Variants in KCNQ1 observed in about 807,000 individuals in gnomAD.
KCNQ1 encodes potassium voltage-gated channel subfamily Q member 1.
Under a neutral mutation model 72.4 loss-of-function variants are expected in KCNQ1, and 49 were observed. The observed-to-expected ratio is 0.68, with a 90% CI of 0.54 to 0.86. The LOEUF is 0.86. Ranked by LOEUF, KCNQ1 falls within the 40% of genes least tolerant of loss-of-function variation. The pLI, the probability that KCNQ1 is intolerant of heterozygous loss-of-function variation, is 0.00. For synonymous variants in KCNQ1, 450 were observed against 412.6 expected (o/e 1.09, Z -1.10); for missense variants, 790 against 945.1 (o/e 0.84, Z 2.15).
rs1019186355 is a variant in KCNQ1 at position 2,715,810 on chromosome 11, C to G, written c.1515-53034C>G. On this transcript the variant is annotated intron_variant, in intron 11 of 15. Transcript: ENST00000155840. The surrounding 1 kb of genome is among the most constrained non-coding windows in gnomAD (Gnocchi z 4.9). ...GCTGGAGCAGCCCCGCATCCCACAT[C>G]CCCGCAGCCTTGCGCTGGTCTAAAT... Among the ~76,000 whole-genome samples the G allele has an allele frequency of 6.6e-6, 1 of 152,250 alleles. No individual in the cohort carries two copies. Among genetic ancestry groups the G allele is most frequent in the African/African-American group, 2.4e-5 (1 of 41,472 alleles).
At position 2,830,660 on chromosome 11, in the gene KCNQ1, T is replaced by C. The variant is rs1482221868; in HGVS notation, c.1795-17107T>C. 2.0e-5 allele frequency among the ~76,000 whole-genome samples: 3 copies of C among 151,964 alleles called. No individual in the cohort carries two copies. Among genetic ancestry groups the C allele is most frequent in the African/African-American group, 7.2e-5 (3 of 41,380 alleles). On this transcript the variant is annotated intron_variant, in intron 15 of 15. Transcript: ENST00000155840. The surrounding 1 kb of genome is among the most constrained non-coding windows in gnomAD (Gnocchi z 7.7). The stretch of plus-strand genomic sequence containing the variant: ...GGACCTCCTTCCTGGGTGGAGACCT[T>C]CCCACCCTTCCACTCACCTTCCGAG...
chr11:2,592,641 C>A lies in KCNQ1; in HGVS notation c.1393+3787C>A, dbSNP rs920887917. Among the ~76,000 whole-genome samples, 2 of 152,234 alleles carry A rather than the reference C, an allele frequency of 1.3e-5. No individual in the cohort carries two copies. The highest frequency in any genetic ancestry group is 4.8e-5 in the African/African-American group (2 of 41,474). On this transcript the variant is annotated intron_variant, in intron 10 of 15. Coordinates refer to ENST00000155840, the MANE Select transcript of KCNQ1 (RefSeq NM_000218.3). This position sits in a 1 kb window ranked among gnomAD's most constrained non-coding sequence, Gnocchi z 5.2. ...TGAAGGATGCATGGGGACCCAACCG[C>A]ATGCCACTTGGCTTGGCAGTGTCAA...
intron 11 of KCNQ1, chr11:2,696,801 T>C (rs942907973): frequency 1.3e-5 from 5 of 398,524 alleles, no homozygotes; most frequent in Non-Finnish European, 2.2e-5. Context: ...GGTATAAATT[T>C]TGCTGCTATT....
Position 2,623,529 on chromosome 11 carries a change from T to G in KCNQ1, c.1393+34675T>G, listed in dbSNP as rs1208854788. On this transcript the variant is annotated intron_variant, in intron 10 of 15. Transcript: ENST00000155840. This position sits in a 1 kb window ranked among gnomAD's most constrained non-coding sequence, Gnocchi z 5.2. ...TGATTGGAATCATACAGTATGTAGT[T>G]TCTTCAGATTGCCTTATTTCACATA... 1 of 397,922 alleles carries G rather than the reference T, an allele frequency of 2.5e-6. No individual in the cohort carries two copies. The highest frequency in any genetic ancestry group is 4.4e-6 in the Non-Finnish European group (1 of 226,056). 24.6% of individuals were successfully genotyped at this position (397,922 alleles called of 1,614,324 possible).
At position 2,605,210 on chromosome 11, in the gene KCNQ1, T is replaced by C. The variant is rs181393433; in HGVS notation, c.1393+16356T>C. Among the ~76,000 whole-genome samples the C allele has an allele frequency of 8.5e-4, 129 of 152,342 alleles. 1 individual carries two copies. The highest frequency in any genetic ancestry group is 2.6e-3 in the African/African-American group (108 of 41,588). ...AACAAGTCCCCTATCAGATAGATTA[T>C]TTGCAAATATTTTCTCCCATCTGTA... is the stretch of plus-strand genomic sequence containing the variant. On this transcript the variant is annotated intron_variant, in intron 10 of 15. Coordinates refer to ENST00000155840, the MANE Select transcript of KCNQ1 (RefSeq NM_000218.3).
rs1473669945 is a variant in KCNQ1, at chr11:2,783,562, T to C, written c.1794+5525T>C. On this transcript the variant is annotated intron_variant, in intron 15 of 15. Transcript: ENST00000155840. This position sits in a 1 kb window ranked among gnomAD's most constrained non-coding sequence, Gnocchi z 5.2. The stretch of plus-strand genomic sequence containing the variant: ...AGAAGGCATAGGGCAAATTTCTGTT[T>C]AACTTTCTAAGAAACTTCTAAACTG... Among the ~76,000 whole-genome samples the C allele has an allele frequency of 2.0e-5, 3 of 152,120 alleles. No homozygotes were observed. The highest frequency in any genetic ancestry group is 1.3e-4 in the Admixed American group (2 of 15,284).
intron 2 of KCNQ1, among the ~76,000 whole-genome samples, chr11:2,539,242 C>A (rs1422672848): frequency 6.6e-6 from 1 of 152,216 alleles, no homozygotes; most frequent in Admixed American, 6.5e-5. Context: ...CTGGCTCGTG[C>A]CTGGTGGCAA....
chr11:2,690,497 G>A lies in KCNQ1; in HGVS notation c.1514+28416G>A. The A allele has an allele frequency of 5.0e-6, 2 of 398,656 alleles. No homozygotes were observed. Among genetic ancestry groups the A allele is most frequent in the Non-Finnish European group, 4.4e-6 (1 of 226,092 alleles). The allele number at this position is 398,656 out of a possible 1,614,324, so 24.7% of individuals were successfully genotyped here. ...GGAACAGCCACTGGGCCCAGTCGGG[G>A]GGGTCTCAGCACCTATCACAAAGAA... is the stretch of plus-strand genomic sequence containing the variant. On this transcript the variant is annotated intron_variant, in intron 11 of 15. Transcript: ENST00000155840. The surrounding 1 kb of genome is among the most constrained non-coding windows in gnomAD (Gnocchi z 5.1).
rs2133760153 is a variant in KCNQ1 at position 2,588,618 on chromosome 11, T to C, written c.1252-95T>C. The C allele has an allele frequency of 6.7e-7, 1 of 1,503,228 alleles. No homozygotes were observed. The highest frequency in any genetic ancestry group is 2.3e-5 in the East Asian group (1 of 44,164). The allele number at this position is 1,503,228 out of a possible 1,614,324, so 93.1% of individuals were successfully genotyped here. A position where few individuals can be genotyped will look rare whatever the true frequency, so the allele number is the denominator to read the frequency against. ...CTGTCCGGGTGTATGTGGCGGGGGC[T>C]GGGCTCGGGGCGGCTGCACAGGCAC... On this transcript the variant is annotated intron_variant, in intron 9 of 15. Transcript: ENST00000155840. This position sits in a 1 kb window ranked among gnomAD's most constrained non-coding sequence, Gnocchi z 5.6.
chr11:2,590,156 GTATTTGAGATAGCTGT>G (rs1848652230), intron 10 of KCNQ1, among the ~76,000 whole-genome samples: 1 of 152,190 alleles, frequency 6.6e-6, no homozygotes, highest in Non-Finnish European at 1.5e-5. Flanking sequence ...CCAGCGTGGG[GTATTTGAGATAGCTGT>G]GCTGCCACCA....
chr11:2,676,859 T>G lies in KCNQ1; in HGVS notation c.1514+14778T>G. ...TGTAATGACACCTGTCAGCTTTGAC[T>G]GGGGAGCCCTTTCATTTCTTAGTAA... On this transcript the variant is annotated intron_variant, in intron 11 of 15. Coordinates refer to ENST00000155840, the MANE Select transcript of KCNQ1 (RefSeq NM_000218.3). The surrounding 1 kb of genome is among the most constrained non-coding windows in gnomAD (Gnocchi z 4.2). 2.5e-6 allele frequency: 1 copy of G among 398,652 alleles called. No individual in the cohort carries two copies. The highest frequency in any genetic ancestry group is 4.4e-6 in the Non-Finnish European group (1 of 226,068). 24.7% of individuals were successfully genotyped at this position (398,652 alleles called of 1,614,324 possible).
chr11:2,589,183 C>T (rs1160464999), intron 10 of KCNQ1, among the ~76,000 whole-genome samples: 1 of 152,194 alleles, frequency 6.6e-6, no homozygotes, highest in East Asian at 1.9e-4. Context: ...AGCCCACGGG[C>T]TCTGGTTGGA....
At chr11:2,709,144 G>T (rs1045197418) in intron 11 of KCNQ1, among the ~76,000 whole-genome samples, 1 of 152,074 alleles carries the variant, frequency 6.6e-6, no homozygotes, top group Admixed American at 6.6e-5. Flanking sequence ...GTTGTGGCAC[G>T]GGGTCTGTTT....
Position 2,723,006 on chromosome 11 carries a change from A to G in KCNQ1, c.1515-45838A>G, listed in dbSNP as rs985600947. On this transcript the variant is annotated intron_variant, in intron 11 of 15. Transcript: ENST00000155840. The surrounding 1 kb of genome is among the most constrained non-coding windows in gnomAD (Gnocchi z 4.2). ...GTGCCTCGGGGCAGGCTCACCTCAC[A>G]CCCTTGTGGGCCAGCTGCGGCCCAA... is the stretch of plus-strand genomic sequence containing the variant. Among the ~76,000 whole-genome samples, 2 of 152,044 alleles carry G rather than the reference A, an allele frequency of 1.3e-5. No individual in the cohort carries two copies. Among genetic ancestry groups the G allele is most frequent in the Non-Finnish European group, 2.9e-5 (2 of 67,990 alleles).
chr11:2,588,897 G>A lies in KCNQ1; in HGVS notation c.1393+43G>A. ...AGTTGGGGGCCGCGGGGCCGGGAAGGTCACTGCCTTTTTTGGGAGCCCGAG... is the reference window on the plus strand; with the variant it reads ...AGTTGGGGGCCGCGGGGCCGGGAAGATCACTGCCTTTTTTGGGAGCCCGAG... On this transcript the variant is annotated intron_variant, in intron 10 of 15. Transcript: ENST00000155840. This position sits in a 1 kb window ranked among gnomAD's most constrained non-coding sequence, Gnocchi z 5.6. The A allele has an allele frequency of 1.2e-6, 2 of 1,606,046 alleles. No individual in the cohort carries two copies. The highest frequency in any genetic ancestry group is 8.5e-7 in the Non-Finnish European group (1 of 1,178,344).
In KCNQ1 at chr11:2,769,724, G is replaced by T. The variant is rs1000829598; in HGVS notation, c.1590+805G>T. 6.6e-6 allele frequency among the ~76,000 whole-genome samples: 1 copy of T among 152,180 alleles called. No individual in the cohort carries two copies. Among genetic ancestry groups the T allele is most frequent in the African/African-American group, 2.4e-5 (1 of 41,436 alleles). The stretch of plus-strand genomic sequence containing the variant: ...AGGCAAAAATCACAAAGCAGGGAAG[G>T]CTGGGGGGTGACTTGCCTGAGTCCC... On this transcript the variant is annotated intron_variant, in intron 12 of 15. Transcript: ENST00000155840. The surrounding 1 kb of genome is among the most constrained non-coding windows in gnomAD (Gnocchi z 4.6).
Position 2,848,052 on chromosome 11 carries a change from A to C in KCNQ1, c.*49A>C. ...GGCCTGAGTGAGAGGGGAGGCCAAG[A>C]GTGGCCCCACCTGGCCCTCTCTGAA... On this transcript the variant is annotated 3_prime_UTR_variant, in exon 16 of 16. Coordinates refer to ENST00000155840, the MANE Select transcript of KCNQ1 (RefSeq NM_000218.3). The C allele has an allele frequency of 6.8e-7, 1 of 1,473,066 alleles. No individual in the cohort carries two copies. Among genetic ancestry groups the C allele is most frequent in the Non-Finnish European group, 9.2e-7 (1 of 1,086,244 alleles). 91.2% of individuals were successfully genotyped at this position (1,473,066 alleles called of 1,614,324 possible). A position where few individuals can be genotyped will look rare whatever the true frequency, so the allele number is the denominator to read the frequency against.
intron 15 of KCNQ1, among the ~76,000 whole-genome samples, chr11:2,810,996 G>A (rs558807618): frequency 6.6e-6 from 1 of 152,278 alleles, no homozygotes; most frequent in South Asian, 2.1e-4. Context: ...AAGGACTCCC[G>A]CCTTCCCAGC....
intron 15 of KCNQ1, among the ~76,000 whole-genome samples, chr11:2,794,627 G>A (rs565804195): frequency 2.3e-4 from 35 of 152,286 alleles, no homozygotes; most frequent in South Asian, 1.0e-3. Flanking sequence ...ACAGATTAGC[G>A]GGGAGCAGAT....
Sources: gnomAD v4.1 joint callset for allele counts (sites outside exome capture counted in the v4.1 genomes callset) on GRCh38, gnomAD v4.1.1 for gene constraint, Gnocchi (gnomAD v3.1) non-coding constraint, MANE v1.5 for transcripts, NCBI Gene and HGNC (gene_info 2026-07-23, HGNC 2026-07-21) for gene names.